PARVB: variants seen among roughly 807,000 people sequenced by gnomAD.
The protein encoded by PARVB is parvin beta, also known as beta-parvin.
PARVB carries 46 observed loss-of-function variants against 47.0 expected under a neutral mutation model. That is an observed-to-expected ratio of 0.98 (90% CI 0.77 to 1.25). PARVB has a LOEUF of 1.25. Ranked by LOEUF, PARVB falls within the 50% of genes most tolerant of loss-of-function variation. The pLI, the probability that PARVB is intolerant of heterozygous loss-of-function variation, is 0.00. For synonymous variants in PARVB, 196 were observed against 196.3 expected, an observed-to-expected ratio of 1.00 and a Z score of 0.01; for missense variants, 473 against 471.6, an observed-to-expected ratio of 1.00 and a Z score of -0.03.
intron 1 of PARVB, among the ~76,000 whole-genome samples, chr22:44,029,409 T>C (rs989120554): frequency 2.6e-5 from 4 of 152,248 alleles, no homozygotes; most frequent in Non-Finnish European, 4.4e-5. Flanking sequence ...TTGTCTTCCC[T>C]GTCTCTTGAT....
intron 1 of PARVB, among the ~76,000 whole-genome samples, chr22:44,048,933 G>C (rs1308969706): frequency 6.6e-6 from 1 of 152,180 alleles, no homozygotes; most frequent in African/African-American, 2.4e-5. Flanking sequence ...CAGGTGATCT[G>C]TCCACTTTGG....
chr22:44,079,609 G>T (rs903598511), intron 1 of PARVB, among the ~76,000 whole-genome samples: 1 of 152,204 alleles, frequency 6.6e-6, no homozygotes, highest in South Asian at 2.1e-4. Context: ...GCCACCGGTG[G>T]AGAACTGACT....
intron 1 of PARVB, among the ~76,000 whole-genome samples, chr22:44,087,991 G>A (rs903596005): frequency 3.3e-5 from 5 of 151,916 alleles, no homozygotes; most frequent in Non-Finnish European, 7.4e-5. Context: ...CGACTGTGCC[G>A]AGGGTGTGTG....
chr22:44,022,436 C>A (rs1037817974), upstream of PARVB, among the ~76,000 whole-genome samples: 4 of 152,174 alleles, frequency 2.6e-5, no homozygotes, highest in African/African-American at 9.7e-5. Context: ...GCTGGCCACG[C>A]TACACGGCCA....
At chr22:44,071,702 T>C (rs1411618407) in intron 1 of PARVB, among the ~76,000 whole-genome samples, 1 of 152,216 alleles carries the variant, frequency 6.6e-6, no homozygotes, top group Non-Finnish European at 1.5e-5. Flanking sequence ...CTGGAAGTCA[T>C]GATTGGGCTG....
In PARVB at chr22:44,170,401, A is replaced by G. The variant is rs1459292003; in HGVS notation, c.*1723A>G. On this transcript the variant is annotated 3_prime_UTR_variant, in exon 13 of 13. Coordinates refer to ENST00000338758, the MANE Select transcript of PARVB (RefSeq NM_013327.5). ...ACCTCCATAAAGACCCTGTCTCCAA[A>G]TACCATCACATCAGAGGTGCTGGGG... 1 of 152,154 alleles carries G rather than the reference A, an allele frequency of 6.6e-6. No individual in the cohort carries two copies. The highest frequency in any genetic ancestry group is 1.5e-5 in the Non-Finnish European group (1 of 68,020). 9.4% of individuals were successfully genotyped at this position (152,154 alleles called of 1,614,324 possible).
intron 10 of PARVB, chr22:44,151,890 C>T: frequency 3.7e-6 from 1 of 268,648 alleles, no homozygotes; most frequent in Non-Finnish European, 7.3e-6. Context: ...CTCCCAGCTT[C>T]TGTGGTTTTG....
chr22:44,141,513 G>A (rs2147187547), intron 8 of PARVB: 1 of 152,326 alleles, frequency 6.6e-6, no homozygotes, highest in East Asian at 1.9e-4. Flanking sequence ...GCTGGCAGCT[G>A]ATTAGGTGGT....
rs568492534 is a variant in PARVB, at chr22:44,123,211, A to C, written c.376+4071A>C. On this transcript the variant is annotated intron_variant, in intron 4 of 12. Transcript: ENST00000338758. ...AAAATGGCTCCCTTGCTCCTGCAAC[A>C]CTCCAATTTCTCTGCATCACTCAAA... is the stretch of plus-strand genomic sequence containing the variant. Among the ~76,000 whole-genome samples, 6 of 152,130 alleles carry C rather than the reference A, an allele frequency of 3.9e-5. No homozygotes were observed. The South Asian group carries it at 1.2e-3, about 32-fold the overall frequency.
At chr22:44,085,264 G>A (rs549206464) in intron 1 of PARVB, among the ~76,000 whole-genome samples, 1 of 152,230 alleles carries the variant, frequency 6.6e-6, no homozygotes, top group South Asian at 2.1e-4. Context: ...ACCACACCCA[G>A]CCTTTGCTGT....
At chr22:44,098,443 C>T (rs2064330) in intron 2 of PARVB, among the ~76,000 whole-genome samples, 13,986 of 151,954 alleles carry the variant, frequency 0.092, 1,302 homozygotes, top group East Asian at 0.37. Context: ...TGTCAGACAG[C>T]GGGAGCAGGT....
rs1248553632 is a variant in PARVB at position 44,132,900 on chromosome 22, A to G, written c.524A>G (p.His175Arg). The G allele has an allele frequency of 1.2e-6, 2 of 1,612,292 alleles. No homozygotes were observed. Among genetic ancestry groups the G allele is most frequent in the Non-Finnish European group, 1.7e-6 (2 of 1,178,506 alleles). The change falls in exon 6 of 13, where the codon CAC becomes CGC. Residue 175 changes from histidine (H) to arginine (R), a missense_variant. Coordinates refer to ENST00000338758, the MANE Select transcript of PARVB (RefSeq NM_013327.5). ...WALRWSVDSI[H>R]GKNLVAILHL... ...TTCCTCCTTCCTCCTGCAGCAATTC[A>G]CGGGAAGAACCTGGTGGCCATCCTC...
chr22:44,134,922 G>A (rs1458704088), intron 6 of PARVB, among the ~76,000 whole-genome samples: 3 of 152,218 alleles, frequency 2.0e-5, no homozygotes, highest in Admixed American at 2.0e-4. Flanking sequence ...CCAGCACCTG[G>A]TGGGTGCCTC....
At chr22:44,070,666 TTA>T (rs1375024689) in intron 1 of PARVB, among the ~76,000 whole-genome samples, 10 of 152,160 alleles carry the variant, frequency 6.6e-5, no homozygotes, top group Non-Finnish European at 1.5e-4. Flanking sequence ...TTAGCTCACA[TTA>T]TATGAGGCTC....
At chr22:44,038,319 T>A (rs1016094210) in intron 1 of PARVB, among the ~76,000 whole-genome samples, 1 of 152,218 alleles carries the variant, frequency 6.6e-6, no homozygotes, top group African/African-American at 2.4e-5. Flanking sequence ...TGACTGCTCT[T>A]GAGGCCAGAC....
upstream of PARVB, among the ~76,000 whole-genome samples, chr22:44,022,198 G>A (rs966026975): frequency 5.9e-5 from 9 of 152,070 alleles, no homozygotes; most frequent in African/African-American, 1.4e-4. Flanking sequence ...GAGAGAAGAC[G>A]TTTCTGTTGT....
At position 44,114,624 on chromosome 22, in the gene PARVB, C is replaced by G. The variant is rs1465509648; in HGVS notation, c.274-4414C>G. ...GATACATTGTTACTAAGGCCCTGCA[C>G]CAACACAGATACATTGTTACTAAGT... On this transcript the variant is annotated intron_variant, in intron 3 of 12. Coordinates refer to ENST00000338758, the MANE Select transcript of PARVB (RefSeq NM_013327.5). 2 of 77,682 alleles carry G rather than the reference C, an allele frequency of 2.6e-5. 1 individual carries two copies. The highest frequency in any genetic ancestry group is 4.9e-5 in the Non-Finnish European group (2 of 40,802). 4.8% of individuals were successfully genotyped at this position (77,682 alleles called of 1,614,324 possible).
At chr22:44,041,435 T>G (rs1343363386) in intron 1 of PARVB, among the ~76,000 whole-genome samples, 1 of 151,974 alleles carries the variant, frequency 6.6e-6, no homozygotes, top group Non-Finnish European at 1.5e-5. Flanking sequence ...GAGGTTGCAG[T>G]GAACTGAAAT....
chr22:44,074,081 A>G (rs1389220606), intron 1 of PARVB, among the ~76,000 whole-genome samples: 1 of 152,192 alleles, frequency 6.6e-6, no homozygotes. Flanking sequence ...ATGAAAACAT[A>G]AGATAACAGA....
Sources: gnomAD v4.1 joint callset for allele counts (sites outside exome capture counted in the v4.1 genomes callset) on GRCh38, gnomAD v4.1.1 for gene constraint, MANE v1.5 for transcripts, NCBI Gene and HGNC (gene_info 2026-07-23, HGNC 2026-07-21) for gene names.